Variants in NAALADL2 observed in about 807,000 individuals in gnomAD.
NAALADL2 encodes the protein N-acetylated alpha-linked acidic dipeptidase like 2.
In NAALADL2, 76 loss-of-function variants were observed where a neutral mutation model predicts 87.2. The ratio of observed to expected loss-of-function variants is 0.87; its 90% CI spans 0.72 to 1.05. NAALADL2 has a LOEUF of 1.05. NAALADL2 is among the 50% of genes least tolerant of loss of function. NAALADL2 has a pLI of 0.00. For synonymous variants in NAALADL2, 354 were observed against 331.0 expected (o/e 1.07, Z -0.75); for missense variants, 1,089 against 945.8 (o/e 1.15, Z -1.99).
At chr3:175,250,288 T>TGG (rs766853960) in intron 3 of NAALADL2, among the ~76,000 whole-genome samples, 1 of 145,148 alleles carries the variant, frequency 6.9e-6, no homozygotes, top group Non-Finnish European at 1.5e-5. Context: ...TGTGTGTGTG[T>TGG]GGTGTGTTTG....
intron 1 of NAALADL2, among the ~76,000 whole-genome samples, chr3:175,068,359 G>C (rs1714941504): frequency 6.6e-6 from 1 of 152,076 alleles, no homozygotes; most frequent in Non-Finnish European, 1.5e-5. Context: ...TAATTTAAAA[G>C]TTATAGAAAT....
At chr3:174,545,545 G>A (rs901530053) in intron 1 of NAALADL2, among the ~76,000 whole-genome samples, 4 of 152,122 alleles carry the variant, frequency 2.6e-5, no homozygotes, top group Admixed American at 1.3e-4. Context: ...TATTTCTTTT[G>A]ACAAATCGGA....
At chr3:174,770,579 G>T (rs537946958) in intron 3 of NAALADL2, among the ~76,000 whole-genome samples, 1 of 152,204 alleles carries the variant, frequency 6.6e-6, no homozygotes, top group East Asian at 1.9e-4. Flanking sequence ...GGTGGCTCAC[G>T]CCTGTAATCC....
chr3:175,620,063 A>C (rs1560862327), intron 10 of NAALADL2, among the ~76,000 whole-genome samples: 1 of 127,612 alleles, frequency 7.8e-6, no homozygotes, highest in Non-Finnish European at 1.7e-5. Context: ...GAGAATTTTT[A>C]TCTCTTTTTG....
At chr3:175,230,445 A>C (rs1388937938) in intron 2 of NAALADL2, among the ~76,000 whole-genome samples, 1 of 152,074 alleles carries the variant, frequency 6.6e-6, no homozygotes, top group Non-Finnish European at 1.5e-5. Context: ...AAAAACTTCT[A>C]TAAATATAGG....
chr3:174,985,639 A>G (rs1173504354), intron 1 of NAALADL2, among the ~76,000 whole-genome samples: 1 of 152,162 alleles, frequency 6.6e-6, no homozygotes, highest in East Asian at 1.9e-4. Flanking sequence ...GATTTGAAAC[A>G]AGGTATATTT....
intron 1 of NAALADL2, among the ~76,000 whole-genome samples, chr3:174,441,811 A>G (rs909165451): frequency 6.6e-6 from 1 of 151,230 alleles, no homozygotes; most frequent in African/African-American, 2.4e-5. Context: ...TAGCAATTGA[A>G]TAGCATACAG....
At chr3:174,735,271 A>G (rs1179663769) in intron 2 of NAALADL2, among the ~76,000 whole-genome samples, 2 of 152,238 alleles carry the variant, frequency 1.3e-5, no homozygotes, top group African/African-American at 4.8e-5. Context: ...TATATCAGTC[A>G]TTTATTGAGC....
chr3:175,325,465 T>C (rs1165237127), intron 5 of NAALADL2, among the ~76,000 whole-genome samples: 1 of 152,214 alleles, frequency 6.6e-6, no homozygotes, highest in African/African-American at 2.4e-5. Context: ...CTATCTACAA[T>C]TTCTAGACAT....
chr3:175,548,274 A>G (rs575653145), intron 9 of NAALADL2, among the ~76,000 whole-genome samples: 1 of 152,256 alleles, frequency 6.6e-6, no homozygotes, highest in South Asian at 2.1e-4. Flanking sequence ...ACTAAAGGCC[A>G]TTTTCCTTAC....
At chr3:174,721,086 A>G (rs951443108) in intron 2 of NAALADL2, among the ~76,000 whole-genome samples, 2 of 93,232 alleles carry the variant, frequency 2.1e-5, no homozygotes, top group African/African-American at 9.1e-5. Context: ...GTTTCTTGGT[A>G]GTGTTTTTAA....
intron 13 of NAALADL2, among the ~76,000 whole-genome samples, chr3:175,769,634 T>C (rs1583171685): frequency 6.6e-6 from 1 of 152,162 alleles, no homozygotes; most frequent in African/African-American, 2.4e-5. Context: ...TTAGAAATGA[T>C]GTGGTCTTTT....
chr3:175,563,303 A>G (rs1015656385), intron 9 of NAALADL2, among the ~76,000 whole-genome samples: 3 of 152,196 alleles, frequency 2.0e-5, no homozygotes, highest in Non-Finnish European at 4.4e-5. Flanking sequence ...TTCACAAGGT[A>G]TTTTGTGATG....
intron 9 of NAALADL2, among the ~76,000 whole-genome samples, chr3:175,502,229 G>GTGTGTA (rs1491135541): frequency 2.8e-5 from 2 of 71,388 alleles, no homozygotes; most frequent in African/African-American, 2.8e-4. Context: ...ATTATCCTGG[G>GTGTGTA]TGTGTGTGTG....
intron 2 of NAALADL2, among the ~76,000 whole-genome samples, chr3:175,146,796 TTC>T (rs1352012825): frequency 2.0e-5 from 3 of 151,986 alleles, no homozygotes; most frequent in African/African-American, 7.2e-5. Context: ...GGCTTAACTT[TTC>T]TCTTTTTGAA....
chr3:175,689,934 T>A (rs1414278409), intron 11 of NAALADL2, among the ~76,000 whole-genome samples: 3 of 152,086 alleles, frequency 2.0e-5, no homozygotes, highest in Non-Finnish European at 4.4e-5. Context: ...ACTTTGGAAT[T>A]ATTACCAACT....
chr3:175,127,438 G>A (rs1727140533), intron 2 of NAALADL2, among the ~76,000 whole-genome samples: 1 of 151,994 alleles, frequency 6.6e-6, no homozygotes, highest in Admixed American at 6.6e-5. Context: ...GGACACCTTT[G>A]GGCATCATAA....
intron 1 of NAALADL2, among the ~76,000 whole-genome samples, chr3:175,094,215 T>A (rs28521427): frequency 0.4 from 60,278 of 151,240 alleles, 12,361 homozygotes; most frequent in Non-Finnish European, 0.46. Context: ...TCTGAGTAAA[T>A]TAATCAGGAA....
chr3:175,205,575 TA>T (rs1264096924), intron 2 of NAALADL2, among the ~76,000 whole-genome samples: 3 of 151,922 alleles, frequency 2.0e-5, no homozygotes, highest in South Asian at 2.1e-4. Context: ...GCAAATGCAA[TA>T]AAAACAAAGA....
Sources: gnomAD v4.1 joint callset for allele counts (sites outside exome capture counted in the v4.1 genomes callset) on GRCh38, gnomAD v4.1.1 for gene constraint, MANE v1.5 for transcripts, NCBI Gene and HGNC (gene_info 2026-07-23, HGNC 2026-07-21) for gene names.